USP47: variants seen among roughly 807,000 people sequenced by gnomAD.
The protein encoded by USP47 is ubiquitin specific peptidase 47.
A neutral mutation model predicts 165.1 loss-of-function variants in USP47; 35 were observed. That is an observed-to-expected ratio of 0.21 (90% CI 0.16 to 0.28). The LOEUF is 0.28. USP47 is among the 10% of genes least tolerant of loss of function. USP47 has a pLI of 1.00. For missense variants in USP47, 1,277 were observed against 1,607.4 expected, an observed-to-expected ratio of 0.79 and a Z score of 3.52; for synonymous variants, 531 against 544.5, an observed-to-expected ratio of 0.98 and a Z score of 0.35.
intron 8 of USP47, among the ~76,000 whole-genome samples, chr11:11,916,648 G>A (rs1000311259): frequency 6.6e-6 from 1 of 151,720 alleles, no homozygotes; most frequent in African/African-American, 2.4e-5. Context: ...AAGTAAAAAG[G>A]ATCTCAGAAA....
rs1855967546 is a variant in USP47, at chr11:11,948,124, G to T, written c.3267+4G>T. The stretch of plus-strand genomic sequence containing the variant: ...ATCATTTTCTGATGACAATAAGGTT[G>T]ATTAAAATAATCTTCGAGTAGTTAG... On this transcript the variant is annotated splice_donor_region_variant and intron_variant, in intron 21 of 27. Transcript: ENST00000527733. 2 of 1,597,874 alleles carry T rather than the reference G, an allele frequency of 1.3e-6. No homozygotes were observed. Among genetic ancestry groups the T allele is most frequent in the East Asian group, 4.5e-5 (2 of 44,658 alleles).
chr11:11,878,154 A>G (rs985731680), intron 1 of USP47, among the ~76,000 whole-genome samples: 3 of 152,120 alleles, frequency 2.0e-5, no homozygotes, highest in Admixed American at 1.3e-4. Context: ...TGGACCCTGC[A>G]TTCACATATT....
chr11:11,927,752 G>A (rs1854358547), intron 11 of USP47, among the ~76,000 whole-genome samples: 1 of 151,992 alleles, frequency 6.6e-6, no homozygotes, highest in African/African-American at 2.4e-5. Flanking sequence ...GTAATGTATT[G>A]CTTTGTTAAA....
At chr11:11,914,896 T>C (rs1724451600) in intron 8 of USP47, among the ~76,000 whole-genome samples, 1 of 152,182 alleles carries the variant, frequency 6.6e-6, no homozygotes, top group African/African-American at 2.4e-5. Flanking sequence ...CATACACTGC[T>C]GGTGGGAATG....
At chr11:11,862,017 A>T (rs1045808576) in intron 1 of USP47, among the ~76,000 whole-genome samples, 3 of 145,168 alleles carry the variant, frequency 2.1e-5, no homozygotes, top group African/African-American at 7.9e-5. Context: ...TAGAACAGGT[A>T]CAAAGTCTTT....
chr11:11,900,191 C>G (rs189516192), intron 5 of USP47, among the ~76,000 whole-genome samples: 1 of 125,850 alleles, frequency 7.9e-6, no homozygotes, highest in Admixed American at 9.9e-5. Flanking sequence ...GACGGAGTCT[C>G]GCTGTCGCCC....
At chr11:11,909,348 A>T (rs1024185115) in intron 8 of USP47, among the ~76,000 whole-genome samples, 9 of 152,232 alleles carry the variant, frequency 5.9e-5, no homozygotes. Context: ...AGATCAAAGT[A>T]ACTTTGACTA....
intron 10 of USP47, 24 bp from the exon 11 acceptor site, chr11:11,922,700 C>A: frequency 6.3e-7 from 1 of 1,593,350 alleles, no homozygotes. Context: ...TGGTTTATAA[C>A]TAAGATAATT....
intron 1 of USP47, among the ~76,000 whole-genome samples, chr11:11,876,292 A>C (rs1218198337): frequency 6.6e-6 from 1 of 152,122 alleles, no homozygotes; most frequent in Non-Finnish European, 1.5e-5. Flanking sequence ...TCCCTTCCCT[A>C]AATCATGATG....
intron 1 of USP47, among the ~76,000 whole-genome samples, chr11:11,867,292 C>T (rs866457748): frequency 6.6e-6 from 1 of 152,098 alleles, no homozygotes; most frequent in Non-Finnish European, 1.5e-5. Context: ...TCATTGGTTC[C>T]TGAAGGGTTC....
chr11:11,949,854 A>C, intron 22 of USP47, 35 bp from the exon 23 acceptor site: 1 of 1,441,132 alleles, frequency 6.9e-7, no homozygotes, highest in Non-Finnish European at 9.7e-7. Context: ...TTAAGGTATA[A>C]TTCAAGCTCT....
chr11:11,942,231 A>T (rs1855524246), intron 19 of USP47, 104 bp from the exon 20 acceptor site: 1 of 1,278,100 alleles, frequency 7.8e-7, no homozygotes, highest in African/African-American at 1.5e-5. Flanking sequence ...CACACATGTT[A>T]TAACATAACT....
At chr11:11,899,481 A>G (rs1040203382) in intron 5 of USP47, among the ~76,000 whole-genome samples, 7 of 152,184 alleles carry the variant, frequency 4.6e-5, no homozygotes, top group African/African-American at 1.7e-4. Flanking sequence ...GTAAACCTAT[A>G]TATAAGCTCA....
At chr11:11,849,525 A>G (rs1012665412) in intron 1 of USP47, among the ~76,000 whole-genome samples, 8 of 152,188 alleles carry the variant, frequency 5.3e-5, no homozygotes, top group Non-Finnish European at 1.2e-4. Flanking sequence ...GTTGTTGAGA[A>G]ACCCTGATTT....
chr11:11,944,039 G>A lies in USP47; in HGVS notation c.3091+927G>A, dbSNP rs183427581. On this transcript the variant is annotated intron_variant, in intron 20 of 27. Transcript: ENST00000527733. ...TAGAGGATGAATGACTTGTCCAAAAGTGCATATATAGCTAGTAAATGGGAC... is the reference window on the plus strand; with the variant it reads ...TAGAGGATGAATGACTTGTCCAAAAATGCATATATAGCTAGTAAATGGGAC... 1.6e-4 allele frequency among the ~76,000 whole-genome samples: 25 copies of A among 151,776 alleles called. 1 individual carries two copies. In the East Asian group the frequency reaches 4.1e-3, roughly 25 times the overall value.
intron 1 of USP47, among the ~76,000 whole-genome samples, chr11:11,870,846 T>TA (rs1849992327): frequency 6.6e-6 from 1 of 152,224 alleles, no homozygotes; most frequent in African/African-American, 2.4e-5. Context: ...CATCAGTGCT[T>TA]ACATTTGTTA....
At position 11,956,281 on chromosome 11, in the gene USP47, G is replaced by A; in HGVS notation, c.*106G>A. ...CCGGACATGGTTGGGGTAACCCAGT[G>A]ACACCAGCACTGATTGGACTGCCCT... On this transcript the variant is annotated 3_prime_UTR_variant, in exon 28 of 28. Coordinates refer to ENST00000527733, the MANE Select transcript of USP47 (RefSeq NM_001282659.2). The A allele has an allele frequency of 7.9e-7, 1 of 1,264,040 alleles. No homozygotes were observed. Among genetic ancestry groups the A allele is most frequent in the South Asian group, 1.4e-5 (1 of 72,400 alleles). The allele number at this position is 1,264,040 out of a possible 1,614,324, so 78.3% of individuals were successfully genotyped here.
At chr11:11,857,632 C>A (rs958095362) in intron 1 of USP47, among the ~76,000 whole-genome samples, 1 of 152,202 alleles carries the variant, frequency 6.6e-6, no homozygotes, top group African/African-American at 2.4e-5. Context: ...GGCCATTTCA[C>A]GCTTACTTCT....
chr11:11,933,974 C>T, intron 16 of USP47, 39 bp downstream of exon 16: 1 of 1,434,608 alleles, frequency 7.0e-7, no homozygotes, highest in Non-Finnish European at 9.7e-7. Flanking sequence ...CTTACTAATA[C>T]AACAGTATTA....
Sources: gnomAD v4.1 joint callset for allele counts (sites outside exome capture counted in the v4.1 genomes callset) on GRCh38, gnomAD v4.1.1 for gene constraint, MANE v1.5 for transcripts, NCBI Gene and HGNC (gene_info 2026-07-23, HGNC 2026-07-21) for gene names.